Variants in RGPD3 observed in about 807,000 individuals in gnomAD.
The protein encoded by RGPD3 is ranBP2-like and GRIP domain-containing protein 3.
In RGPD3, 62 loss-of-function variants were observed where a neutral mutation model predicts 154.5. The ratio of observed to expected loss-of-function variants is 0.40; its 90% CI spans 0.33 to 0.50. The LOEUF is 0.50. RGPD3 is among the 20% of genes least tolerant of loss of function. The pLI is 0.59. For synonymous variants in RGPD3, 308 were observed against 607.0 expected, an observed-to-expected ratio of 0.51 and a Z score of 7.24; for missense variants, 919 against 1,716.8, an observed-to-expected ratio of 0.54 and a Z score of 8.21.
At chr2:106,426,573 A>C (rs1474572289) in intron 18 of RGPD3, among the ~76,000 whole-genome samples, 1 of 151,736 alleles carries the variant, frequency 6.6e-6, no homozygotes, top group Non-Finnish European at 1.5e-5. Flanking sequence ...AATTCATGGA[A>C]AGGATGTCAT....
intron 1 of RGPD3, among the ~76,000 whole-genome samples, chr2:106,465,937 C>T (rs955242605): frequency 6.6e-6 from 1 of 151,940 alleles, no homozygotes; most frequent in African/African-American, 2.4e-5. Flanking sequence ...TGTCACTCGA[C>T]GCAGCCGCCA....
At chr2:106,422,004 A>T (rs1029785107) in intron 20 of RGPD3, among the ~76,000 whole-genome samples, 1 of 151,726 alleles carries the variant, frequency 6.6e-6, no homozygotes, top group African/African-American at 2.4e-5. Context: ...CACAGTTATT[A>T]ATACTTTGCT....
In RGPD3 at chr2:106,439,841, G is replaced by A. The variant is rs541293846; in HGVS notation, c.1067-664C>T. Among the ~76,000 whole-genome samples, 50 of 130,940 alleles carry A rather than the reference G, an allele frequency of 3.8e-4. 2 individuals are homozygous for A. The South Asian group carries it at 0.01, about 27-fold the overall frequency. 85.9% of individuals were successfully genotyped at this position (130,940 alleles called of 152,430 possible). ...AGATCACGCCACTGCACTCCAGCCC[G>A]GGCGACAGAGTAAGACTGTCTCAGG... On this transcript the variant is annotated intron_variant, in intron 8 of 22. Coordinates refer to ENST00000409886, the MANE Select transcript of RGPD3 (RefSeq NM_001144013.2).
intron 6 of RGPD3, among the ~76,000 whole-genome samples, chr2:106,450,962 G>A (rs1181258752): frequency 1.1e-4 from 17 of 148,740 alleles, no homozygotes; most frequent in East Asian, 2.0e-4. Flanking sequence ...AGTGGTGTGC[G>A]CCTGTGGTCC....
chr2:106,445,263 T>C (rs1445703932), intron 7 of RGPD3, among the ~76,000 whole-genome samples: 2 of 148,786 alleles, frequency 1.3e-5, no homozygotes, highest in Non-Finnish European at 3.0e-5. Flanking sequence ...TGCTCCAGCC[T>C]GGGCGACAGA....
intron 7 of RGPD3, among the ~76,000 whole-genome samples, chr2:106,443,010 TGGCTTTAGGACCCTG>T (rs1677801052): frequency 6.6e-6 from 1 of 151,256 alleles, no homozygotes; most frequent in Admixed American, 6.6e-5. Context: ...GCTAATGTCC[TGGCTTTAGGACCCTG>T]GTTTTAAAAA....
At chr2:106,418,828 A>G (rs1456619463) in intron 20 of RGPD3, among the ~76,000 whole-genome samples, 2 of 150,488 alleles carry the variant, frequency 1.3e-5, no homozygotes, top group Non-Finnish European at 3.0e-5. Flanking sequence ...TTGGCCTCCC[A>G]AAGTGCTGAG....
At chr2:106,464,579 A>C (rs866597101) in intron 1 of RGPD3, among the ~76,000 whole-genome samples, 34 of 151,338 alleles carry the variant, frequency 2.2e-4, no homozygotes, top group African/African-American at 2.9e-4. Context: ...TTCTAAAAAA[A>C]ATATAAATAA....
chr2:106,423,847 A>G lies in RGPD3; in HGVS notation c.4120T>C (p.Trp1374Arg), dbSNP rs763150919. 2.6e-5 allele frequency: 42 copies of G among 1,611,860 alleles called. No individual in the cohort carries two copies. Among genetic ancestry groups the G allele is most frequent in the Non-Finnish European group, 3.5e-5 (41 of 1,179,868 alleles). Residue 1374 changes from tryptophan (W) to arginine (R), a missense_variant, in exon 20 of 23, where the codon TGG (tryptophan) becomes CGG (arginine). By Grantham distance (101) the Trp-to-Arg change is moderately radical. Transcript: ENST00000409886. ...FYRYDKDVGQ[W>R]KERGIGDIKI... Reference sequence around the variant, plus strand: ...ATATCACCAATGCCCCTTTCTTTCCATTGACCAACATCTTTATCATATCTG... The same window carrying G: ...ATATCACCAATGCCCCTTTCTTTCCGTTGACCAACATCTTTATCATATCTG...
intron 6 of RGPD3, among the ~76,000 whole-genome samples, chr2:106,448,985 C>T (rs1223643356): frequency 1.3e-5 from 2 of 151,284 alleles, no homozygotes; most frequent in African/African-American, 4.9e-5. Flanking sequence ...GCCACCGCGC[C>T]CCGCTGAGCT....
intron 9 of RGPD3, among the ~76,000 whole-genome samples, chr2:106,437,896 A>G (rs1677614789): frequency 6.6e-6 from 1 of 152,190 alleles, no homozygotes; most frequent in Admixed American, 6.5e-5. Flanking sequence ...TTTAGATGAA[A>G]AATATGGCCA....
rs62152544 is a variant in RGPD3 at position 106,467,991 on chromosome 2, G to C, written c.72+226C>G. Among the ~76,000 whole-genome samples the C allele has an allele frequency of 2.8e-3, 270 of 95,436 alleles. 2 individuals carry two copies. In the Middle Eastern group the frequency reaches 0.034, roughly 12 times the overall value. The allele number at this position is 95,436 out of a possible 152,430, so 62.6% of individuals were successfully genotyped here. On this transcript the variant is annotated intron_variant, in intron 1 of 22. Transcript: ENST00000409886. ...CCGCCGCAGGGCCAGGTCGAGGCCG[G>C]CGCCTCAACAGAGCGCGCCAGGGAG...
At position 106,423,926 on chromosome 2, in the gene RGPD3, T is replaced by C. The variant is rs2104457240; in HGVS notation, c.4041A>G (p.Val1347=). ...CTTGTTCATTTTCCTCACCACTGGA[T>C]ACTTCAACTAGATCAGGTAAAGGAA... is the stretch of plus-strand genomic sequence containing the variant. ...PVVPLPDLVE[V]SSGEENEQVV... is the part of the protein sequence containing the mutation. The change falls in exon 20 of 23, where the codon GTA becomes GTG. Residue 1347 remains valine, a synonymous_variant. Transcript: ENST00000409886. 6.2e-7 allele frequency: 1 copy of C among 1,611,894 alleles called. No homozygotes were observed. The highest frequency in any genetic ancestry group is 2.3e-4 in the Middle Eastern group (1 of 4,430).
intron 7 of RGPD3, among the ~76,000 whole-genome samples, chr2:106,443,761 T>C (rs1677832881): frequency 8.3e-6 from 1 of 120,406 alleles, no homozygotes; most frequent in African/African-American, 3.2e-5. Flanking sequence ...AGTGGCACGA[T>C]CTCGGCTCAC....
Position 106,423,767 on chromosome 2 carries a change from G to T in RGPD3, c.4200C>A (p.Asp1400Glu), listed in dbSNP as rs1330766308. 7 of 1,611,640 alleles carry T rather than the reference G, an allele frequency of 4.3e-6. No homozygotes were observed. The highest frequency in any genetic ancestry group is 5.9e-6 in the Non-Finnish European group (7 of 1,179,820). Reference sequence around the variant, plus strand: ...GATTGGCACAAAGTTTTAATACTTGGTCCCTTCTCATCAGTATACGAACGT... The same window carrying T: ...GATTGGCACAAAGTTTTAATACTTGTTCCCTTCTCATCAGTATACGAACGT... ...NKHVRILMRRDQVLKLCANHR... is the reference protein window; with the variant it reads ...NKHVRILMRREQVLKLCANHR... Residue 1400 changes from aspartate (D) to glutamate (E), a missense_variant, in exon 20 of 23, where the codon GAC becomes GAA. Physicochemically the swap from Asp to Glu is conservative, Grantham distance 45. Transcript: ENST00000409886.
intron 1 of RGPD3, among the ~76,000 whole-genome samples, chr2:106,467,990 G>A (rs1203923442): frequency 2.8e-5 from 4 of 141,506 alleles, no homozygotes; most frequent in Admixed American, 6.9e-5. Flanking sequence ...GGTCGAGGCC[G>A]GCGCCTCAAC....
At chr2:106,415,697 A>AAAAAAAAAAT (rs1491421236) in intron 21 of RGPD3, among the ~76,000 whole-genome samples, 153 bp downstream of exon 21, 20 of 134,614 alleles carry the variant, frequency 1.5e-4, no homozygotes, top group African/African-American at 5.8e-4. Context: ...AAAAAAAAAA[A>AAAAAAAAAAT]GGCAATATTT....
chr2:106,434,129 A>C, intron 15 of RGPD3, 99 bp downstream of exon 15: 1 of 1,595,460 alleles, frequency 6.3e-7, no homozygotes, highest in South Asian at 1.1e-5. Flanking sequence ...ACAACATATT[A>C]CTGAGTATTT....
chr2:106,467,113 GCGCCTCAACA>G (rs1252297513), intron 1 of RGPD3, among the ~76,000 whole-genome samples: 1 of 55,356 alleles, frequency 1.8e-5, no homozygotes, highest in African/African-American at 6.0e-5. Context: ...GTCGAGGCCG[GCGCCTCAACA>G]GAGCGCGCCA....
Sources: gnomAD v4.1 joint callset for allele counts (sites outside exome capture counted in the v4.1 genomes callset) on GRCh38, gnomAD v4.1.1 for gene constraint, MANE v1.5 for transcripts, NCBI Gene and HGNC (gene_info 2026-07-23, HGNC 2026-07-21) for gene names.